GLT1D1: variants seen among roughly 807,000 people sequenced by gnomAD.
GLT1D1 encodes the protein glycosyltransferase 1 domain containing 1, also known as glycosyltransferase 1 domain-containing protein 1.
Under a neutral mutation model 28.7 loss-of-function variants are expected in GLT1D1, and 21 were observed. The ratio of observed to expected loss-of-function variants is 0.73; its 90% CI spans 0.52 to 1.05. The LOEUF is 1.05. Among genes scored for constraint, GLT1D1 ranks in the 50% least tolerant of loss-of-function variants. GLT1D1 has a pLI of 0.00. For missense variants in GLT1D1, 343 were observed against 330.6 expected, an observed-to-expected ratio of 1.04 and a Z score of -0.29; for synonymous variants, 147 against 124.8, an observed-to-expected ratio of 1.18 and a Z score of -1.19.
At chr12:128,908,976 A>AATAAATAT (rs1871255304) in intron 4 of GLT1D1, among the ~76,000 whole-genome samples, 1 of 151,936 alleles carries the variant, frequency 6.6e-6, no homozygotes, top group Non-Finnish European at 1.5e-5. Flanking sequence ...TAAATAAATA[A>AATAAATAT]AAAATAAACA....
intron 7 of GLT1D1, among the ~76,000 whole-genome samples, chr12:128,960,179 A>G (rs565558298): frequency 1.2e-4 from 19 of 152,202 alleles, no homozygotes; most frequent in African/African-American, 4.6e-4. Flanking sequence ...TTCATTTCAC[A>G]AAGGATGTTA....
intron 4 of GLT1D1, among the ~76,000 whole-genome samples, chr12:128,909,376 G>C (rs924812435): frequency 2.0e-5 from 3 of 151,776 alleles, no homozygotes; most frequent in Non-Finnish European, 4.4e-5. Flanking sequence ...AAGAGTAGAG[G>C]GAGGAAAAAA....
intron 7 of GLT1D1, among the ~76,000 whole-genome samples, chr12:128,979,369 A>C: frequency 6.6e-6 from 1 of 150,738 alleles, no homozygotes; most frequent in Non-Finnish European, 1.5e-5. Flanking sequence ...GCTGGGCCAC[A>C]TTCTCCTCTA....
rs189939054 is a variant in GLT1D1 at position 128,952,615 on chromosome 12, C to T, written c.541-4930C>T. Among the ~76,000 whole-genome samples, 665 of 150,544 alleles carry T rather than the reference C, an allele frequency of 4.4e-3. 3 individuals carry two copies. Among genetic ancestry groups the T allele is most frequent in the Middle Eastern group, 0.024 (7 of 290 alleles). On this transcript the variant is annotated intron_variant, in intron 6 of 7. Transcript: ENST00000281703. ...CCAGGTAACTGGGATGACAGGCCTG[C>T]GCCACCACGCTTGGCTAATTTTGTA...
chr12:128,918,225 G>A (rs111585301), intron 4 of GLT1D1, among the ~76,000 whole-genome samples: 22,432 of 152,190 alleles, frequency 0.15, 1,870 homozygotes, highest in South Asian at 0.28. Context: ...ACCAAACACC[G>A]CATGTTCTCA....
chr12:128,866,408 C>CT (rs892798480), intron 1 of GLT1D1, among the ~76,000 whole-genome samples: 2 of 151,766 alleles, frequency 1.3e-5, no homozygotes, highest in African/African-American at 4.8e-5. Context: ...CATTTAAAAT[C>CT]TTTTTTTAAG....
chr12:128,869,263 C>G (rs1214661494), intron 1 of GLT1D1, among the ~76,000 whole-genome samples: 1 of 151,932 alleles, frequency 6.6e-6, no homozygotes, highest in African/African-American at 2.4e-5. Context: ...TCTTCCAGGG[C>G]TAAAGCCATC....
rs117049606 is a variant in GLT1D1 at position 128,968,587 on chromosome 12, C to G, written c.639+10944C>G. Among the ~76,000 whole-genome samples the G allele has an allele frequency of 2.1e-3, 317 of 152,024 alleles. 10 individuals are homozygous for G. In the East Asian group the frequency reaches 0.051, roughly 25 times the overall value. On this transcript the variant is annotated intron_variant, in intron 7 of 7. Coordinates refer to ENST00000281703, the MANE Select transcript of GLT1D1 (RefSeq NM_144669.3). The stretch of plus-strand genomic sequence containing the variant: ...CTGAGGCATGAGAATCACTTGAACC[C>G]GGAGGGTGGGGGTTGCAGTGAGCCG...
intron 7 of GLT1D1, among the ~76,000 whole-genome samples, chr12:128,977,354 T>C (rs1446881662): frequency 6.6e-6 from 1 of 152,034 alleles, no homozygotes; most frequent in East Asian, 1.9e-4. Flanking sequence ...TTTTGCATGA[T>C]TATTATTATT....
intron 7 of GLT1D1, among the ~76,000 whole-genome samples, chr12:128,981,196 T>C (rs1880287195): frequency 6.6e-6 from 1 of 152,208 alleles, no homozygotes; most frequent in South Asian, 2.1e-4. Context: ...CTTGCTTTAT[T>C]TAAGTCTATG....
intron 4 of GLT1D1, among the ~76,000 whole-genome samples, chr12:128,928,746 T>A (rs567179273): frequency 1.3e-5 from 2 of 151,730 alleles, no homozygotes; most frequent in African/African-American, 4.8e-5. Flanking sequence ...TCAGTCTTCC[T>A]AGCAGCTGGG....
chr12:128,873,668 G>A (rs145568159), intron 1 of GLT1D1, among the ~76,000 whole-genome samples: 128 of 152,248 alleles, frequency 8.4e-4, no homozygotes, highest in African/African-American at 2.4e-3. Context: ...ATTTCAGGAG[G>A]CCTCAGGTCA....
intron 7 of GLT1D1, among the ~76,000 whole-genome samples, chr12:128,967,692 A>G (rs549583230): frequency 1.3e-5 from 2 of 152,108 alleles, no homozygotes; most frequent in African/African-American, 2.4e-5. Context: ...TTCCCGTCTC[A>G]CTCTTACTTC....
At chr12:128,955,489 C>T (rs1877177053) in intron 6 of GLT1D1, among the ~76,000 whole-genome samples, 1 of 148,948 alleles carries the variant, frequency 6.7e-6, no homozygotes, top group African/African-American at 2.5e-5. Context: ...ACTGGATGTG[C>T]ACTCCATACA....
chr12:128,860,976 A>G (rs1023865987), intron 1 of GLT1D1, among the ~76,000 whole-genome samples: 1 of 152,220 alleles, frequency 6.6e-6, no homozygotes, highest in Non-Finnish European at 1.5e-5. Flanking sequence ...TCTGACACCT[A>G]GAGAACCAAG....
At chr12:128,948,153 G>GT (rs1736842772) in intron 6 of GLT1D1, among the ~76,000 whole-genome samples, 3 of 152,066 alleles carry the variant, frequency 2.0e-5, no homozygotes, top group Non-Finnish European at 4.4e-5. Flanking sequence ...AAAAGATCCT[G>GT]GCAATCCTCG....
chr12:128,940,545 T>C (rs1019566368), intron 4 of GLT1D1, among the ~76,000 whole-genome samples: 2 of 152,210 alleles, frequency 1.3e-5, no homozygotes, highest in Admixed American at 1.3e-4. Context: ...CTTTCTGGCC[T>C]CCACACATCC....
At chr12:128,926,230 A>AATAAT (rs1873198989) in intron 4 of GLT1D1, 129 bp from the exon 7 acceptor site, 1 of 244,830 alleles carries the variant, frequency 4.1e-6, no homozygotes, top group African/African-American at 2.4e-5. Context: ...TAATAATAAT[A>AATAAT]ATAATAAGAG....
chr12:128,939,668 C>T (rs1422520042), intron 4 of GLT1D1, among the ~76,000 whole-genome samples: 1 of 152,144 alleles, frequency 6.6e-6, no homozygotes, highest in Non-Finnish European at 1.5e-5. Flanking sequence ...GGGAATGCCT[C>T]AGGAAACTTT....
Sources: gnomAD v4.1 joint callset for allele counts (sites outside exome capture counted in the v4.1 genomes callset) on GRCh38, gnomAD v4.1.1 for gene constraint, MANE v1.5 for transcripts, NCBI Gene and HGNC (gene_info 2026-07-23, HGNC 2026-07-21) for gene names.